KANSL1: variants seen among roughly 807,000 people sequenced by gnomAD.
The protein encoded by KANSL1 is MLL1/MLL complex subunit KANSL1.
A neutral mutation model predicts 103.6 loss-of-function variants in KANSL1; 22 were observed. The observed-to-expected ratio is 0.21, with a 90% CI of 0.15 to 0.30. KANSL1 has a LOEUF of 0.30. Ranked by LOEUF, KANSL1 falls within the 10% of genes least tolerant of loss-of-function variation. KANSL1 has a pLI of 1.00. For synonymous variants in KANSL1, 600 were observed against 527.6 expected, an observed-to-expected ratio of 1.14 and a Z score of -1.88; for missense variants, 1,337 against 1,399.8, an observed-to-expected ratio of 0.96 and a Z score of 0.72.
At chr17:46,195,241 C>T (rs2047566733), upstream of KANSL1, among the ~76,000 whole-genome samples, 1 of 152,214 alleles carries the variant, frequency 6.6e-6, no homozygotes, top group Admixed American at 6.5e-5. Context: ...CCCTTTGCAG[C>T]GTATACTTAA....
chr17:46,160,026 C>G lies in KANSL1; in HGVS notation c.1289+10829G>C, dbSNP rs558723265. On this transcript the variant is annotated intron_variant, in intron 2 of 14. Transcript: ENST00000432791. ...AAATAGAATCTTTTTTCTGCCCTCT[C>G]TCTATCAGTTCCAGGAGTTATCTTC... is the stretch of plus-strand genomic sequence containing the variant. 1.2e-4 allele frequency among the ~76,000 whole-genome samples: 19 copies of G among 152,300 alleles called. No homozygotes were observed. The East Asian group carries it at 3.7e-3, about 29-fold the overall frequency.
chr17:46,186,823 G>C (rs2047057467), intron 1 of KANSL1, among the ~76,000 whole-genome samples: 1 of 152,150 alleles, frequency 6.6e-6, no homozygotes, highest in South Asian at 2.1e-4. Context: ...CCGCCTCCAG[G>C]TTCAAGCAAT....
chr17:46,172,445 T>C (rs1051137100), intron 1 of KANSL1, among the ~76,000 whole-genome samples: 20 of 152,132 alleles, frequency 1.3e-4, no homozygotes, highest in Non-Finnish European at 2.8e-4. Context: ...GAAGGAAGAA[T>C]TGCACCCTTC....
intron 2 of KANSL1, among the ~76,000 whole-genome samples, chr17:46,155,227 G>A (rs761136913): frequency 3.7e-4 from 53 of 141,970 alleles, no homozygotes; most frequent in Non-Finnish European, 6.7e-4. Flanking sequence ...TTGCCATCTC[G>A]GCTCACAGCA....
At chr17:46,190,806 C>T (rs1425217479) in intron 1 of KANSL1, among the ~76,000 whole-genome samples, 5 of 152,222 alleles carry the variant, frequency 3.3e-5, no homozygotes, top group Non-Finnish European at 7.3e-5. Flanking sequence ...AGTGGAAATC[C>T]AATTCAGAAT....
chr17:46,183,277 A>G (rs999481731), intron 1 of KANSL1, among the ~76,000 whole-genome samples: 3 of 144,344 alleles, frequency 2.1e-5, no homozygotes, highest in Non-Finnish European at 4.6e-5. Context: ...CAAAAACACT[A>G]ATTTTTTTTT....
intron 2 of KANSL1, among the ~76,000 whole-genome samples, chr17:46,130,403 T>G (rs2043807983): frequency 6.6e-6 from 1 of 152,172 alleles, no homozygotes; most frequent in African/African-American, 2.4e-5. Flanking sequence ...AATAAAAGTC[T>G]TTTAAAGAAA....
At chr17:46,165,227 A>G (rs965677725) in intron 2 of KANSL1, among the ~76,000 whole-genome samples, 5 of 150,900 alleles carry the variant, frequency 3.3e-5, no homozygotes, top group African/African-American at 1.2e-4. Flanking sequence ...ACTTTTTTTT[A>G]TTTTTATTTT....
intron 1 of KANSL1, chr17:46,221,455 G>A (rs1307219598): frequency 2.0e-5 from 3 of 150,974 alleles, no homozygotes; most frequent in African/African-American, 7.3e-5. Flanking sequence ...TTGCTTAGTC[G>A]TGGCTAGAAA....
intron 1 of KANSL1, among the ~76,000 whole-genome samples, chr17:46,180,564 T>C (rs948466647): frequency 1.5e-4 from 23 of 152,162 alleles, no homozygotes; most frequent in Non-Finnish European, 2.9e-4. Context: ...CAGGTGCCTG[T>C]AGTCCCAGCT....
At chr17:46,139,026 G>T (rs192804623) in intron 2 of KANSL1, among the ~76,000 whole-genome samples, 1 of 152,168 alleles carries the variant, frequency 6.6e-6, no homozygotes, top group Non-Finnish European at 1.5e-5. Flanking sequence ...TTTCTAATCT[G>T]CTAAGAAGTC....
At position 46,043,990 on chromosome 17, in the gene KANSL1, T is replaced by TA. The variant is rs373973590; in HGVS notation, c.2021-4107dup. 5.3e-3 allele frequency: 693 copies of TA among 130,924 alleles called. 3 individuals are homozygous for TA. Among genetic ancestry groups the TA allele is most frequent in the East Asian group, 0.02 (91 of 4,486 alleles). The allele number at this position is 130,924 out of a possible 1,614,324, so 8.1% of individuals were successfully genotyped here. A position where few individuals can be genotyped will look rare whatever the true frequency, so the allele number is the denominator to read the frequency against. On this transcript the variant is annotated intron_variant, in intron 7 of 14. Transcript: ENST00000432791. Reference sequence around the variant, plus strand: ...GAACCCAGTTAGATCCCCCAGTCAGTAAAAAAAAAAAAAAAAGATATCTTA... The same window carrying TA: ...GAACCCAGTTAGATCCCCCAGTCAGTAAAAAAAAAAAAAAAAAGATATCTTA...
chr17:46,190,008 TCAAA>T (rs990216583), intron 1 of KANSL1, among the ~76,000 whole-genome samples: 48 of 151,892 alleles, frequency 3.2e-4, no homozygotes, highest in African/African-American at 1.1e-3. Flanking sequence ...AAATACCTTC[TCAAA>T]CAACCACAAC....
At chr17:46,152,334 G>T (rs570331938) in intron 2 of KANSL1, among the ~76,000 whole-genome samples, 1 of 151,980 alleles carries the variant, frequency 6.6e-6, no homozygotes. Context: ...TTAAAACAAC[G>T]TATTTCAGAC....
intron 6 of KANSL1, among the ~76,000 whole-genome samples, chr17:46,051,885 T>C (rs903223000): frequency 3.9e-5 from 6 of 152,350 alleles, no homozygotes; most frequent in African/African-American, 1.4e-4. Flanking sequence ...GACATTCTAT[T>C]GTAACCACAT....
chr17:46,037,521 G>C (rs1254354509), intron 10 of KANSL1: 4 of 152,210 alleles, frequency 2.6e-5, no homozygotes, highest in Admixed American at 6.5e-5. Context: ...CCTCACCCAG[G>C]CTTAGCCTGT....
At chr17:46,212,375 C>G (rs2048192387) in intron 1 of KANSL1, among the ~76,000 whole-genome samples, 1 of 152,138 alleles carries the variant, frequency 6.6e-6, no homozygotes, top group Non-Finnish European at 1.5e-5. Flanking sequence ...CACGTGCCAC[C>G]ACGCCCAGCT....
At chr17:46,202,064 G>A (rs1435681020) in intron 1 of KANSL1, among the ~76,000 whole-genome samples, 1 of 152,116 alleles carries the variant, frequency 6.6e-6, no homozygotes, top group Non-Finnish European at 1.5e-5. Context: ...GTTAGTACCA[G>A]CTACCTGGGA....
Position 46,039,750 on chromosome 17 carries a change from C to T in KANSL1, c.2155G>A (p.Ala719Thr), listed in dbSNP as rs546820304. ...ACCAATTTGTGCCTGTCCTTACGAG[C>T]TGAATCTGGCAGACTGCCCGGCATG... The part of the protein sequence containing the change: ...APMPGSLPDS[A>T]RKDRHKLVSS... Residue 719 changes from alanine to threonine, a missense_variant, in exon 8 of 15, where the codon GCT (alanine) becomes ACT (threonine). Ala to Thr is a moderately conservative substitution (Grantham distance 58). This residue lies in a region of KANSL1 where 780 missense variants were observed against 923.4 expected (regional missense o/e 0.84). Coordinates refer to ENST00000432791, the MANE Select transcript of KANSL1 (RefSeq NM_015443.4). 1 of 1,614,150 alleles carries T rather than the reference C, an allele frequency of 6.2e-7. No individual in the cohort carries two copies. Among genetic ancestry groups the T allele is most frequent in the Admixed American group, 1.7e-5 (1 of 60,018 alleles).
Sources: allele counts gnomAD v4.1 joint callset (sites outside exome capture counted in the v4.1 genomes callset), GRCh38; gene constraint gnomAD v4.1.1; regional missense constraint gnomAD v4.1.1; transcripts MANE v1.5; gene names NCBI Gene and HGNC (gene_info 2026-07-23, HGNC 2026-07-21).